CTIF: variants seen among roughly 807,000 people sequenced by gnomAD.
The protein encoded by CTIF is CBP80/20-dependent translation initiation factor.
CTIF carries 21 observed loss-of-function variants against 66.0 expected under a neutral mutation model. That is an observed-to-expected ratio of 0.32 (90% CI 0.23 to 0.46). CTIF has a LOEUF of 0.46. Ranked by LOEUF, CTIF falls within the 20% of genes least tolerant of loss-of-function variation. CTIF has a pLI of 1.00. For missense variants in CTIF, 739 were observed against 812.7 expected, an observed-to-expected ratio of 0.91 and a Z score of 1.10; for synonymous variants, 345 against 326.4, an observed-to-expected ratio of 1.06 and a Z score of -0.62.
intron 1 of CTIF, among the ~76,000 whole-genome samples, chr18:48,544,652 T>A (rs1326617538): frequency 6.6e-6 from 1 of 151,962 alleles, no homozygotes; most frequent in Admixed American, 6.6e-5. Flanking sequence ...ATGGATGAGG[T>A]GAATTTGGGA....
At chr18:48,612,744 G>A (rs925730108) in intron 1 of CTIF, among the ~76,000 whole-genome samples, 2 of 152,196 alleles carry the variant, frequency 1.3e-5, no homozygotes, top group Admixed American at 6.5e-5. Context: ...ACAGACCTGT[G>A]AGCCCCAAGG....
Position 48,619,564 on chromosome 18 carries a change from G to C in CTIF, c.-2G>C. The C allele has an allele frequency of 6.5e-7, 1 of 1,547,216 alleles. No individual in the cohort carries two copies. The highest frequency in any genetic ancestry group is 8.7e-7 in the Non-Finnish European group (1 of 1,145,916). Reference sequence around the variant, plus strand: ...CCCGGCCCAGGCCCCTGAGCTGGAGGGATGGAAAACTCCTCTGCAGCATCA... The same window carrying C: ...CCCGGCCCAGGCCCCTGAGCTGGAGCGATGGAAAACTCCTCTGCAGCATCA... On this transcript the variant is annotated 5_prime_UTR_variant, in exon 2 of 12. Coordinates refer to ENST00000256413, the MANE Select transcript of CTIF (RefSeq NM_014772.3).
At chr18:48,813,223 G>A (rs561451976) in intron 9 of CTIF, among the ~76,000 whole-genome samples, 2 of 152,300 alleles carry the variant, frequency 1.3e-5, no homozygotes, top group Admixed American at 6.5e-5. Flanking sequence ...ATTTCAGCCT[G>A]AGAGTTGCTT....
intron 1 of CTIF, among the ~76,000 whole-genome samples, chr18:48,574,344 T>C (rs1042793982): frequency 6.6e-6 from 1 of 152,276 alleles, no homozygotes; most frequent in Non-Finnish European, 1.5e-5. Flanking sequence ...CTCCTCTGTT[T>C]TATTTTTCTC....
At chr18:48,720,263 G>T (rs2092321070) in intron 7 of CTIF, among the ~76,000 whole-genome samples, 1 of 152,172 alleles carries the variant, frequency 6.6e-6, no homozygotes, top group South Asian at 2.1e-4. Context: ...TTCGCTAGGG[G>T]ATGAGATGGG....
intron 10 of CTIF, among the ~76,000 whole-genome samples, chr18:48,819,224 A>G (rs1228951589): frequency 6.6e-6 from 1 of 152,200 alleles, no homozygotes; most frequent in Non-Finnish European, 1.5e-5. Context: ...TTTCACTCTC[A>G]AAGTGCCTTG....
intron 10 of CTIF, among the ~76,000 whole-genome samples, chr18:48,836,006 G>A (rs1458783578): frequency 1.3e-5 from 2 of 152,040 alleles, no homozygotes; most frequent in Non-Finnish European, 2.9e-5. Flanking sequence ...GACAGGCACC[G>A]GGCTGTTTGG....
At chr18:48,555,516 C>T (rs2145573531) in intron 1 of CTIF, among the ~76,000 whole-genome samples, 1 of 152,296 alleles carries the variant, frequency 6.6e-6, no homozygotes, top group Admixed American at 6.5e-5. Context: ...GGCTTCCAGG[C>T]CTGGAGAAGG....
chr18:48,837,047 G>A (rs1006464101), intron 10 of CTIF, among the ~76,000 whole-genome samples: 1 of 152,228 alleles, frequency 6.6e-6, no homozygotes, highest in Non-Finnish European at 1.5e-5. Flanking sequence ...TGCACTGCCT[G>A]GCCTGGGGGC....
chr18:48,698,794 A>C (rs1415198083), intron 6 of CTIF, among the ~76,000 whole-genome samples: 1 of 151,944 alleles, frequency 6.6e-6, no homozygotes, highest in Admixed American at 6.5e-5. Context: ...TTTTGAGCAC[A>C]CTTGTTTCTG....
At chr18:48,568,633 T>TAAAAAAAAAAAAAAGAA (rs2089332981) in intron 1 of CTIF, among the ~76,000 whole-genome samples, 2 of 36,622 alleles carry the variant, frequency 5.5e-5, no homozygotes, top group Non-Finnish European at 1.2e-4. Flanking sequence ...GGGCAATTTG[T>TAAAAAAAAAAAAAAGAA]AAAAAAAAAA....
At chr18:48,750,409 T>A (rs1200784918) in intron 7 of CTIF, among the ~76,000 whole-genome samples, 1 of 152,246 alleles carries the variant, frequency 6.6e-6, no homozygotes, top group African/African-American at 2.4e-5. Context: ...GAAAGCCTTT[T>A]TCCCTTGGCC....
chr18:48,554,950 C>T (rs953697), intron 1 of CTIF, among the ~76,000 whole-genome samples: 17,174 of 152,256 alleles, frequency 0.11, 1,110 homozygotes, highest in African/African-American at 0.17. Flanking sequence ...GCACACAGAA[C>T]GCATATCCCA....
intron 7 of CTIF, among the ~76,000 whole-genome samples, chr18:48,730,366 C>CTT (rs1232840980): frequency 2.4e-4 from 35 of 143,142 alleles, no homozygotes; most frequent in East Asian, 2.0e-3. Context: ...GTGTGAGGGG[C>CTT]CCCTGCGGTG....
intron 1 of CTIF, among the ~76,000 whole-genome samples, chr18:48,594,430 C>G (rs954398561): frequency 6.6e-6 from 1 of 151,534 alleles, no homozygotes; most frequent in East Asian, 2.0e-4. Context: ...CTGACTGCCA[C>G]GTGGCAGGTC....
At chr18:48,553,173 G>A (rs184074650) in intron 1 of CTIF, among the ~76,000 whole-genome samples, 10,747 of 152,254 alleles carry the variant, frequency 0.071, 470 homozygotes, top group South Asian at 0.11. Context: ...TCCCCACCTT[G>A]TGCCAGGTTT....
intron 6 of CTIF, chr18:48,688,386 G>A (rs901521602): frequency 1.3e-5 from 2 of 152,354 alleles, no homozygotes; most frequent in African/African-American, 4.8e-5. Flanking sequence ...AGGGTCAGAT[G>A]AGGGCAGGCT....
rs191539845 is a variant in CTIF at position 48,738,857 on chromosome 18, T to C, written c.585-19062T>C. ...AACCACTGTCGAGTAAGTGAATGAA[T>C]GGACAAGAAGGTAGCCAGCCCTGCT... On this transcript the variant is annotated intron_variant, in intron 7 of 11. Coordinates refer to ENST00000256413, the MANE Select transcript of CTIF (RefSeq NM_014772.3). Among the ~76,000 whole-genome samples, 137 of 152,324 alleles carry C rather than the reference T, an allele frequency of 9.0e-4. 1 individual carries two copies. Among genetic ancestry groups the C allele is most frequent in the African/African-American group, 3.2e-3 (134 of 41,564 alleles).
At chr18:48,702,480 A>G (rs920133778) in intron 6 of CTIF, among the ~76,000 whole-genome samples, 2 of 152,228 alleles carry the variant, frequency 1.3e-5, no homozygotes, top group African/African-American at 4.8e-5. Flanking sequence ...TTGTGTAGCT[A>G]GCCTCTGGGA....
Sources: gnomAD v4.1 joint callset for allele counts (sites outside exome capture counted in the v4.1 genomes callset) on GRCh38, gnomAD v4.1.1 for gene constraint, MANE v1.5 for transcripts, NCBI Gene and HGNC (gene_info 2026-07-23, HGNC 2026-07-21) for gene names.